INSYN2A: variants seen among roughly 807,000 people sequenced by gnomAD.
INSYN2A encodes inhibitory synaptic factor 2A, also known as family with sequence similarity 196 member A.
A neutral mutation model predicts 39.4 loss-of-function variants in INSYN2A; 17 were observed. The observed-to-expected ratio is 0.43, with a 90% confidence interval of 0.30 to 0.65. INSYN2A has a LOEUF of 0.65. INSYN2A is among the 30% of genes least tolerant of loss of function. The pLI, the probability that INSYN2A is intolerant of heterozygous loss-of-function variation, is 0.14. For synonymous variants in INSYN2A, 255 were observed against 265.7 expected (o/e 0.96, Z 0.39); for missense variants, 595 against 631.2 (o/e 0.94, Z 0.61).
chr10:127,151,824 C>T lies in INSYN2A; in HGVS notation c.1256+2028G>A, dbSNP rs118035919. 3.3e-3 allele frequency among the ~76,000 whole-genome samples: 509 copies of T among 152,204 alleles called. 2 individuals carry two copies. Among genetic ancestry groups the T allele is most frequent in the Non-Finnish European group, 5.6e-3 (384 of 68,008 alleles). ...CAAGTGGACCAGTGGCTGATGTATT[C>T]GGATTCATGTAGAGTGATGTTTGAG... On this transcript the variant is annotated intron_variant, in intron 5 of 5. Transcript: ENST00000522781.
At chr10:127,173,746 C>T (rs1374061505) in intron 4 of INSYN2A, among the ~76,000 whole-genome samples, 2 of 152,140 alleles carry the variant, frequency 1.3e-5, no homozygotes. Context: ...CTCCCCCACC[C>T]CACGCCTGAT....
At chr10:127,191,652 C>T (rs2056764785) in intron 2 of INSYN2A, among the ~76,000 whole-genome samples, 1 of 152,176 alleles carries the variant, frequency 6.6e-6, no homozygotes, top group South Asian at 2.1e-4. Flanking sequence ...GGTGGGGGAT[C>T]TCACATCACC....
intron 1 of INSYN2A, among the ~76,000 whole-genome samples, chr10:127,193,932 T>G (rs760597203): frequency 2.6e-5 from 4 of 152,198 alleles, no homozygotes; most frequent in Admixed American, 1.3e-4. Flanking sequence ...TTTGCCTTGT[T>G]AGCCTATTTC....
rs1207325945 is a variant in INSYN2A, at chr10:127,175,747, A to G, written c.649T>C (p.Ser217Pro). 6.2e-7 allele frequency: 1 copy of G among 1,613,814 alleles called. No homozygotes were observed. The highest frequency in any genetic ancestry group is 1.7e-5 in the Admixed American group (1 of 59,992). ...AGCAGCTGGTAATCGGGCTCTTCGG[A>G]TGGAGGCCGAGTGGAGTTTTGGAGC... ...AALQNSTRPP[S>P]EEPDYQLLGR... is the part of the protein sequence containing the mutation. Residue 217 changes from serine to proline, a missense_variant, in exon 4 of 6, where the codon TCC (serine) becomes CCC (proline). This residue lies in a region of INSYN2A where 478 missense variants were observed against 467.4 expected (regional missense o/e 1.02). Coordinates refer to ENST00000522781, the MANE Select transcript of INSYN2A (RefSeq NM_001039762.3). This position sits in a 1 kb window ranked among gnomAD's most constrained non-coding sequence, Gnocchi z 6.3.
At chr10:127,195,038 C>T (rs1311888788) in intron 1 of INSYN2A, among the ~76,000 whole-genome samples, 1 of 152,218 alleles carries the variant, frequency 6.6e-6, no homozygotes, top group East Asian at 1.9e-4. Flanking sequence ...CTCCTATTTA[C>T]TCCAGAGGCA....
rs372417174 is a variant in INSYN2A, at chr10:127,175,702, G to C, written c.694C>G (p.Arg232Gly). 1.2e-6 allele frequency: 2 copies of C among 1,613,696 alleles called. No individual in the cohort carries two copies. The highest frequency in any genetic ancestry group is 8.5e-7 in the Non-Finnish European group (1 of 1,179,988). ...GGCTCCTCGGAGTTTGGCCTCCCCCGGTCCTGCTTGGCCCTCCCGAGCAGC... is the reference window on the plus strand; with the variant it reads ...GGCTCCTCGGAGTTTGGCCTCCCCCCGTCCTGCTTGGCCCTCCCGAGCAGC... ...YQLLGRAKQD[R>G]GRPNSEEPAP... Residue 232 changes from arginine to glycine, a missense_variant, in exon 4 of 6, where the codon CGG becomes GGG. By Grantham distance (125) the Arg-to-Gly change is moderately radical (BLOSUM62 -2). Transcript: ENST00000522781. The surrounding 1 kb of genome is among the most constrained non-coding windows in gnomAD (Gnocchi z 6.3).
At chr10:127,145,425 G>A (rs1592211463) in intron 5 of INSYN2A, among the ~76,000 whole-genome samples, 1 of 152,218 alleles carries the variant, frequency 6.6e-6, no homozygotes, top group East Asian at 1.9e-4. Context: ...CTGAGACGTA[G>A]CCTGCAGAAC....
At chr10:127,192,337 AT>A (rs1160243087) in intron 2 of INSYN2A, among the ~76,000 whole-genome samples, 1 of 152,224 alleles carries the variant, frequency 6.6e-6, no homozygotes, top group Non-Finnish European at 1.5e-5. Flanking sequence ...TTATAGAGTA[AT>A]TTAGAATCAT....
At chr10:127,160,514 T>C (rs903352472) in intron 4 of INSYN2A, among the ~76,000 whole-genome samples, 2 of 152,354 alleles carry the variant, frequency 1.3e-5, no homozygotes, top group Non-Finnish European at 1.5e-5. Flanking sequence ...GTTGATTTGC[T>C]GCTCTTTTAA....
rs1190506431 is a variant in INSYN2A, at chr10:127,196,104, A to G, written c.-502T>C. The G allele has an allele frequency of 6.6e-6, 1 of 152,052 alleles. No individual in the cohort carries two copies. The highest frequency in any genetic ancestry group is 6.5e-5 in the Admixed American group (1 of 15,268). 9.4% of individuals were successfully genotyped at this position (152,052 alleles called of 1,614,324 possible). The stretch of plus-strand genomic sequence containing the variant: ...CGGCACGGAGCACTCCGGACAGGGC[A>G]TCCGCGGCCAGACTCGCCGCGCTCA... On this transcript the variant is annotated 5_prime_UTR_variant, in exon 1 of 6. An upstream start codon of the reference 5' UTR is lost. Transcript: ENST00000522781.
At chr10:127,161,196 C>T (rs1441324242) in intron 4 of INSYN2A, among the ~76,000 whole-genome samples, 2 of 152,170 alleles carry the variant, frequency 1.3e-5, no homozygotes, top group Non-Finnish European at 2.9e-5. Context: ...TTAGACTTCA[C>T]CATATACTCA....
At chr10:127,160,469 A>G (rs2053502884) in intron 4 of INSYN2A, among the ~76,000 whole-genome samples, 1 of 152,218 alleles carries the variant, frequency 6.6e-6, no homozygotes, top group African/African-American at 2.4e-5. Flanking sequence ...AGATGTGTTC[A>G]GTACTCAGTG....
intron 5 of INSYN2A, among the ~76,000 whole-genome samples, chr10:127,147,954 C>T (rs569613305): frequency 1.3e-5 from 2 of 149,958 alleles, no homozygotes; most frequent in East Asian, 2.0e-4. Flanking sequence ...TTGCTTCAAC[C>T]CAGGAGGAGG....
intron 2 of INSYN2A, among the ~76,000 whole-genome samples, chr10:127,187,023 G>A (rs1244775911): frequency 2.6e-5 from 4 of 152,188 alleles, no homozygotes; most frequent in African/African-American, 9.7e-5. Context: ...AGGGCCAGTT[G>A]CAGCAACCCC....
intron 4 of INSYN2A, among the ~76,000 whole-genome samples, chr10:127,158,828 C>T (rs1292503268): frequency 6.6e-6 from 1 of 152,168 alleles, no homozygotes; most frequent in Non-Finnish European, 1.5e-5. Context: ...CTTAACAATG[C>T]ATATAGCTTG....
At position 127,175,089 on chromosome 10, in the gene INSYN2A, G is replaced by T; in HGVS notation, c.1184+123C>A. The T allele has an allele frequency of 1.2e-6, 1 of 849,424 alleles. No individual in the cohort carries two copies. 52.6% of individuals were successfully genotyped at this position (849,424 alleles called of 1,614,324 possible). A position where few individuals can be genotyped will look rare whatever the true frequency, so the allele number is the denominator to read the frequency against. On this transcript the variant is annotated intron_variant, in intron 4 of 5. Transcript: ENST00000522781. The surrounding 1 kb of genome is among the most constrained non-coding windows in gnomAD (Gnocchi z 6.3). Reference sequence around the variant, plus strand: ...CCCCTTGGAGCTCGCCACGCCCTTAGACTATGACCTGTTTACGGAAATGCT... The same window carrying T: ...CCCCTTGGAGCTCGCCACGCCCTTATACTATGACCTGTTTACGGAAATGCT...
intron 2 of INSYN2A, among the ~76,000 whole-genome samples, chr10:127,177,674 G>A (rs963235507): frequency 2.0e-5 from 3 of 152,192 alleles, no homozygotes; most frequent in African/African-American, 7.2e-5. Context: ...CTTGTGCCCT[G>A]TCCTGGGGGT....
intron 1 of INSYN2A, among the ~76,000 whole-genome samples, 161 bp downstream of exon 1, chr10:127,195,836 G>T (rs2057091562): frequency 1.3e-5 from 2 of 152,288 alleles, no homozygotes; most frequent in South Asian, 2.1e-4. Flanking sequence ...CTGCACCGGG[G>T]TGTCCCGGCC....
intron 2 of INSYN2A, among the ~76,000 whole-genome samples, chr10:127,182,261 G>GC (rs2133978147): frequency 6.6e-6 from 1 of 152,272 alleles, no homozygotes; most frequent in East Asian, 1.9e-4. Flanking sequence ...CTTAGGTTCA[G>GC]CCCCCACTCA....
Sources: allele counts gnomAD v4.1 joint callset (sites outside exome capture counted in the v4.1 genomes callset), GRCh38; gene constraint gnomAD v4.1.1; regional missense constraint gnomAD v4.1.1; non-coding constraint Gnocchi (gnomAD v3.1); transcripts MANE v1.5; gene names NCBI Gene and HGNC (gene_info 2026-07-23, HGNC 2026-07-21).